PTPRK: variants seen among roughly 807,000 people sequenced by gnomAD.
The protein encoded by PTPRK is protein tyrosine phosphatase receptor type K, also known as receptor-type tyrosine-protein phosphatase kappa.
Under a neutral mutation model 178.0 loss-of-function variants are expected in PTPRK, and 75 were observed. The ratio of observed to expected loss-of-function variants is 0.42; its 90% CI spans 0.35 to 0.51. PTPRK has a LOEUF of 0.51. PTPRK is among the 20% of genes least tolerant of loss of function. PTPRK has a pLI of 0.02. For missense variants in PTPRK, 1,441 were observed against 1,797.8 expected, an observed-to-expected ratio of 0.80 and a Z score of 3.59; for synonymous variants, 637 against 620.6, an observed-to-expected ratio of 1.03 and a Z score of -0.39.
intron 5 of PTPRK, among the ~76,000 whole-genome samples, chr6:128,228,045 C>T (rs926698020): frequency 6.6e-6 from 1 of 150,554 alleles, no homozygotes; most frequent in Non-Finnish European, 1.5e-5. Flanking sequence ...TGCAGCAAAC[C>T]ACCATGGCAC....
intron 2 of PTPRK, among the ~76,000 whole-genome samples, chr6:128,368,601 A>G (rs1835848299): frequency 6.6e-6 from 1 of 152,142 alleles, no homozygotes; most frequent in Non-Finnish European, 1.5e-5. Flanking sequence ...ACTAACTGGA[A>G]TGAGGAGTAT....
intron 10 of PTPRK, among the ~76,000 whole-genome samples, chr6:128,080,289 T>C (rs764060810): frequency 3.0e-4 from 45 of 151,978 alleles, no homozygotes; most frequent in Non-Finnish European, 5.6e-4. Flanking sequence ...GGAGGAGTCA[T>C]GCAAAGAAGG....
At chr6:128,032,730 A>G (rs890992554) in intron 13 of PTPRK, among the ~76,000 whole-genome samples, 2 of 152,184 alleles carry the variant, frequency 1.3e-5, no homozygotes, top group Non-Finnish European at 2.9e-5. Context: ...CATTTTAAAA[A>G]ATATTTTAGA....
At chr6:128,511,933 A>C (rs1490793997) in intron 1 of PTPRK, among the ~76,000 whole-genome samples, 2 of 152,218 alleles carry the variant, frequency 1.3e-5, no homozygotes, top group Non-Finnish European at 2.9e-5. Flanking sequence ...ATGGGCTCTC[A>C]GTAAATTACA....
chr6:128,387,960 A>C (rs1839002325), intron 2 of PTPRK, among the ~76,000 whole-genome samples: 1 of 152,186 alleles, frequency 6.6e-6, no homozygotes, highest in African/African-American at 2.4e-5. Context: ...CAAAAAAAAA[A>C]AAGCAAAAAA....
chr6:128,242,623 A>G, intron 3 of PTPRK, 21 bp from the exon 4 acceptor site: 1 of 1,609,632 alleles, frequency 6.2e-7, no homozygotes, highest in Non-Finnish European at 8.5e-7. Context: ...GAAACAGAAA[A>G]TATTTACAAC....
Position 128,360,477 on chromosome 6 carries a change from T to A in PTPRK, c.223+37089A>T, listed in dbSNP as rs536843322. Among the ~76,000 whole-genome samples the A allele has an allele frequency of 3.9e-5, 6 of 152,346 alleles. No individual in the cohort carries two copies. The South Asian group carries it at 1.2e-3, about 32-fold the overall frequency. ...GTAGTCACAAAACATTGAGATGTGA[T>A]GACAGCTGCTATTATATAACGTCAA... On this transcript the variant is annotated intron_variant, in intron 2 of 29. Transcript: ENST00000368226.
At chr6:128,380,979 CTCTA>C (rs148058669) in intron 2 of PTPRK, among the ~76,000 whole-genome samples, 8,514 of 152,196 alleles carry the variant, frequency 0.056, 275 homozygotes, top group Non-Finnish European at 0.068. Context: ...TGACAATAAA[CTCTA>C]TCAGACAGTT....
At chr6:128,066,211 T>C (rs1273238658) in intron 12 of PTPRK, among the ~76,000 whole-genome samples, 1 of 152,192 alleles carries the variant, frequency 6.6e-6, no homozygotes, top group African/African-American at 2.4e-5. Flanking sequence ...GTTTTTATAG[T>C]AGCCCAGTTG....
At chr6:128,475,341 GAACATTT>G (rs1851242440) in intron 1 of PTPRK, among the ~76,000 whole-genome samples, 1 of 152,076 alleles carries the variant, frequency 6.6e-6, no homozygotes, top group Non-Finnish European at 1.5e-5. Context: ...GGGAGGCAGT[GAACATTT>G]AAGACAGACT....
chr6:128,100,547 T>C (rs1788612946), intron 7 of PTPRK, among the ~76,000 whole-genome samples: 2 of 152,002 alleles, frequency 1.3e-5, no homozygotes, highest in Non-Finnish European at 2.9e-5. Flanking sequence ...CCTAATATTT[T>C]CCAGTGTCAA....
At chr6:128,078,663 TA>T in intron 11 of PTPRK, 149 bp downstream of exon 11, 1 of 466,924 alleles carries the variant, frequency 2.1e-6, no homozygotes, top group South Asian at 6.7e-5. Flanking sequence ...ATTTATAAAT[TA>T]AACTTTATCA....
At chr6:128,343,117 T>G (rs1002583366) in intron 2 of PTPRK, among the ~76,000 whole-genome samples, 3 of 152,202 alleles carry the variant, frequency 2.0e-5, no homozygotes, top group African/African-American at 7.2e-5. Flanking sequence ...GAATCAAGAA[T>G]GTACAAAAGA....
At position 127,983,375 on chromosome 6, in the gene PTPRK, G is replaced by T. The variant is rs764462908; in HGVS notation, c.3254C>A (p.Ala1085Asp). 1 of 1,612,064 alleles carries T rather than the reference G, an allele frequency of 6.2e-7. No homozygotes were observed. Among genetic ancestry groups the T allele is most frequent in the Non-Finnish European group, 8.5e-7 (1 of 1,179,236 alleles). ...GTAGCAGCCAGTTCGTCCAGCACCA[G>T]CACTGAAAAACAATTAAATTTAATG... ...SAGPIVVHCSAGAGRTGCYIV... is the reference protein window; with the variant it reads ...SAGPIVVHCSDGAGRTGCYIV... Residue 1085 changes from alanine (A) to aspartate (D), a missense_variant and splice_region_variant, in exon 23 of 30, where the codon GCT (alanine) becomes GAT (aspartate). Physicochemically the swap from Ala to Asp is moderately radical, Grantham distance 126. Transcript: ENST00000368226.
At chr6:128,148,852 T>C (rs1796865004) in intron 7 of PTPRK, among the ~76,000 whole-genome samples, 1 of 152,094 alleles carries the variant, frequency 6.6e-6, no homozygotes, top group Admixed American at 6.6e-5. Context: ...CACTAGTGTA[T>C]AGAAAATTTA....
At chr6:128,334,951 G>A (rs982235140) in intron 2 of PTPRK, among the ~76,000 whole-genome samples, 2 of 152,114 alleles carry the variant, frequency 1.3e-5, no homozygotes, top group Admixed American at 1.3e-4. Context: ...AGCCAGGCGT[G>A]GTGGCGGGCA....
At chr6:128,108,529 A>G (rs888975538) in intron 7 of PTPRK, among the ~76,000 whole-genome samples, 24 of 152,138 alleles carry the variant, frequency 1.6e-4, no homozygotes, top group Non-Finnish European at 7.4e-5. Context: ...TATTGATAGT[A>G]CCTCTGGTGA....
intron 14 of PTPRK, among the ~76,000 whole-genome samples, chr6:128,007,337 T>C (rs1429439424): frequency 6.6e-6 from 1 of 150,838 alleles, no homozygotes; most frequent in African/African-American, 2.4e-5. Flanking sequence ...AAAGTGCAGC[T>C]TTTCCTGGGT....
intron 2 of PTPRK, among the ~76,000 whole-genome samples, chr6:128,388,826 T>C (rs1839144402): frequency 2.6e-5 from 4 of 152,302 alleles, no homozygotes; most frequent in African/African-American, 7.2e-5. Flanking sequence ...CAGAGAATTA[T>C]TTTTTAAGTA....
Sources: gnomAD v4.1 joint callset for allele counts (sites outside exome capture counted in the v4.1 genomes callset) on GRCh38, gnomAD v4.1.1 for gene constraint, MANE v1.5 for transcripts, NCBI Gene and HGNC (gene_info 2026-07-23, HGNC 2026-07-21) for gene names.